The following TMEM178A variants were observed in gnomAD, a reference collection of about 807,000 sequenced individuals.
TMEM178A encodes transmembrane protein 178.
A neutral mutation model predicts 29.1 loss-of-function variants in TMEM178A; 12 were observed. That is an observed-to-expected ratio of 0.41 (90% CI 0.26 to 0.67). The LOEUF (loss-of-function observed/expected upper bound fraction) is 0.67, where lower values mean the gene tolerates loss of function less well. Ranked by LOEUF, TMEM178A falls within the 30% of genes least tolerant of loss-of-function variation. The pLI is 0.29. For synonymous variants in TMEM178A, 210 were observed against 187.2 expected (o/e 1.12, Z -0.99); for missense variants, 366 against 419.1 (o/e 0.87, Z 1.11).
the TMEM178A span, among the ~76,000 whole-genome samples, chr2:39,731,259 T>G: frequency 6.6e-6 from 1 of 152,178 alleles, no homozygotes; most frequent in Non-Finnish European, 1.5e-5. Flanking sequence ...TCAATATAAT[T>G]CCCCTCCTGT....
At chr2:39,720,489 T>C (rs1368818023), downstream of TMEM178A, among the ~76,000 whole-genome samples, 1 of 152,234 alleles carries the variant, frequency 6.6e-6, no homozygotes, top group African/African-American at 2.4e-5. Flanking sequence ...TGGCTTATTC[T>C]GACTTTTCCT....
At chr2:39,707,680 G>T (rs533933539) in intron 3 of TMEM178A, among the ~76,000 whole-genome samples, 1 of 152,160 alleles carries the variant, frequency 6.6e-6, no homozygotes, top group South Asian at 2.1e-4. Context: ...TGGCCAGGCT[G>T]GTCTCGAACT....
chr2:39,706,485 C>A (rs1373253887), intron 2 of TMEM178A, among the ~76,000 whole-genome samples: 1 of 152,146 alleles, frequency 6.6e-6, no homozygotes, highest in African/African-American at 2.4e-5. Flanking sequence ...TGAAAATAGG[C>A]AGGAGTAGAT....
chr2:39,713,619 A>C (rs1346151394), intron 3 of TMEM178A, among the ~76,000 whole-genome samples: 2 of 152,240 alleles, frequency 1.3e-5, no homozygotes, highest in East Asian at 3.8e-4. Flanking sequence ...GAGAGTCCTC[A>C]GTTTAAAAAG....
chr2:39,706,780 T>C (rs1052367940), intron 2 of TMEM178A, among the ~76,000 whole-genome samples: 4 of 152,220 alleles, frequency 2.6e-5, no homozygotes, highest in South Asian at 2.1e-4. Context: ...AGGTCTATCC[T>C]GGGCTTGTCC....
the TMEM178A span, among the ~76,000 whole-genome samples, chr2:39,724,825 G>A: frequency 6.6e-6 from 1 of 152,200 alleles, no homozygotes; most frequent in Non-Finnish European, 1.5e-5. Flanking sequence ...AAAAAGCGAG[G>A]TAGATTTTGA....
the TMEM178A span, among the ~76,000 whole-genome samples, chr2:39,724,278 T>TGCC: frequency 6.6e-6 from 1 of 151,462 alleles, no homozygotes; most frequent in Non-Finnish European, 1.5e-5. Context: ...AAAGTAATTA[T>TGCC]TTCAAAAAAA....
chr2:39,671,903 C>G (rs1048341458), intron 1 of TMEM178A, among the ~76,000 whole-genome samples: 1 of 152,164 alleles, frequency 6.6e-6, no homozygotes, highest in Non-Finnish European at 1.5e-5. Flanking sequence ...CCAGTGCGCT[C>G]TTATATCACA....
At chr2:39,691,389 A>G (rs551557054) in intron 1 of TMEM178A, among the ~76,000 whole-genome samples, 52 of 152,342 alleles carry the variant, frequency 3.4e-4, no homozygotes, top group Middle Eastern at 6.8e-3. Flanking sequence ...GCATGGGGCA[A>G]TATATTCAAA....
chr2:39,688,875 C>G (rs1176563718), intron 1 of TMEM178A, among the ~76,000 whole-genome samples: 1 of 152,178 alleles, frequency 6.6e-6, no homozygotes, highest in Non-Finnish European at 1.5e-5. Flanking sequence ...TTCCATTTAT[C>G]TTGCTATGTA....
intron 1 of TMEM178A, among the ~76,000 whole-genome samples, chr2:39,698,862 G>C (rs535845063): frequency 3.3e-5 from 5 of 152,074 alleles, no homozygotes; most frequent in African/African-American, 1.2e-4. Context: ...GATGCGTTCA[G>C]ATTTTCTATT....
chr2:39,666,639 CCTT>C (rs1266425598), intron 1 of TMEM178A, among the ~76,000 whole-genome samples: 3 of 152,306 alleles, frequency 2.0e-5, no homozygotes, highest in Middle Eastern at 3.4e-3. Flanking sequence ...GCCTCTGTCT[CCTT>C]CTTTCCTGCC....
intron 3 of TMEM178A, among the ~76,000 whole-genome samples, chr2:39,708,826 G>A (rs958169640): frequency 7.2e-5 from 11 of 152,114 alleles, no homozygotes; most frequent in Non-Finnish European, 1.2e-4. Context: ...GTGCTGAGTT[G>A]ATGGCTAACA....
At position 39,666,317 on chromosome 2, in the gene TMEM178A, TG is replaced by T; in HGVS notation, c.345del (p.Trp115Ter). On this transcript the variant is annotated frameshift_variant, in exon 1 of 4. Transcript: ENST00000281961. LOFTEE classifies it high-confidence loss of function. ...CCTCTTCGCCACCTACTCGGGCCTC[TG>T]GAGGAAGTGCTACTTCCTGGGCATC... ...RPLFATYSGLWRKCYFLGIDR... is the reference protein window; with the variant it reads ...RPLFATYSGLXRKCYFLGIDR... The T allele has an allele frequency of 1.4e-6, 2 of 1,451,434 alleles. No individual in the cohort carries two copies. Among genetic ancestry groups the T allele is most frequent in the South Asian group, 1.3e-5 (1 of 74,756 alleles). 89.9% of individuals were successfully genotyped at this position (1,451,434 alleles called of 1,614,324 possible). A position where few individuals can be genotyped will look rare whatever the true frequency, so the allele number is the denominator to read the frequency against.
chr2:39,680,995 T>C (rs1670846458), intron 1 of TMEM178A, among the ~76,000 whole-genome samples: 1 of 152,184 alleles, frequency 6.6e-6, no homozygotes, highest in Non-Finnish European at 1.5e-5. Context: ...TCAATTTCTT[T>C]GTTTTTTTTT....
intron 1 of TMEM178A, among the ~76,000 whole-genome samples, chr2:39,686,861 T>C (rs1671097312): frequency 6.6e-6 from 1 of 152,160 alleles, no homozygotes; most frequent in African/African-American, 2.4e-5. Context: ...TCCTGCCTGG[T>C]TGGCTACGTC....
the TMEM178A span, among the ~76,000 whole-genome samples, chr2:39,730,601 C>T: frequency 6.6e-6 from 1 of 152,134 alleles, no homozygotes; most frequent in Non-Finnish European, 1.5e-5. Context: ...AGGCTGGTGG[C>T]AGTATTGGTG....
At position 39,717,347 on chromosome 2, in the gene TMEM178A, A is replaced by G; in HGVS notation, c.*96A>G. On this transcript the variant is annotated 3_prime_UTR_variant, in exon 4 of 4. Coordinates refer to ENST00000281961, the MANE Select transcript of TMEM178A (RefSeq NM_152390.3). Reference sequence around the variant, plus strand: ...GCACAAAGCGGTCTTTTACATTCCAACCTGTTGCCTGCCAGCCCTTTCTGG... The same window carrying G: ...GCACAAAGCGGTCTTTTACATTCCAGCCTGTTGCCTGCCAGCCCTTTCTGG... 1 of 1,480,770 alleles carries G rather than the reference A, an allele frequency of 6.8e-7. No individual in the cohort carries two copies. The highest frequency in any genetic ancestry group is 9.0e-7 in the Non-Finnish European group (1 of 1,110,264). 91.7% of individuals were successfully genotyped at this position (1,480,770 alleles called of 1,614,324 possible).
At chr2:39,696,194 G>C (rs909270266) in intron 1 of TMEM178A, among the ~76,000 whole-genome samples, 85 of 152,320 alleles carry the variant, frequency 5.6e-4, no homozygotes, top group African/African-American at 2.0e-3. Context: ...AAATTCTTCA[G>C]GAGTGAGGTG....
Sources: allele counts gnomAD v4.1 joint callset (sites outside exome capture counted in the v4.1 genomes callset), GRCh38; gene constraint gnomAD v4.1.1; transcripts MANE v1.5; gene names NCBI Gene and HGNC (gene_info 2026-07-23, HGNC 2026-07-21).